Variants in NUSAP1 observed in about 807,000 individuals in gnomAD.
The protein encoded by NUSAP1 is nucleolar and spindle-associated protein 1.
Under a neutral mutation model 52.8 loss-of-function variants are expected in NUSAP1, and 32 were observed. That is an observed-to-expected ratio of 0.61 (90% CI 0.46 to 0.81). The LOEUF is 0.81. Among genes scored for constraint, NUSAP1 ranks in the 40% least tolerant of loss-of-function variants. NUSAP1 has a pLI of 0.00. For synonymous variants in NUSAP1, 195 were observed against 183.1 expected (o/e 1.06, Z -0.52); for missense variants, 499 against 522.3 (o/e 0.96, Z 0.43).
At chr15:41,333,130 A>G (rs2047980226) in intron 1 of NUSAP1, 80 bp downstream of exon 1, 1 of 1,089,054 alleles carries the variant, frequency 9.2e-7, no homozygotes, top group African/African-American at 1.6e-5. Flanking sequence ...GAAGGGACCG[A>G]GAGGGAAGCC....
Position 41,332,882 on chromosome 15 carries a change from T to G in NUSAP1, c.-76T>G. The G allele has an allele frequency of 8.7e-7, 1 of 1,152,882 alleles. No homozygotes were observed. The highest frequency in any genetic ancestry group is 1.3e-6 in the Non-Finnish European group (1 of 785,376). 71.4% of individuals were successfully genotyped at this position (1,152,882 alleles called of 1,614,324 possible). ...ATTTCTGCCTAGTCAAAGTTAAGAG[T>G]GGCGCCAGGGATTTGAACCGCGCTG... On this transcript the variant is annotated 5_prime_UTR_variant, in exon 1 of 11. Transcript: ENST00000559596.
chr15:41,345,165 A>G lies in NUSAP1; in HGVS notation c.162+2711A>G, dbSNP rs183691838. On this transcript the variant is annotated intron_variant, in intron 2 of 10. Coordinates refer to ENST00000559596, the MANE Select transcript of NUSAP1 (RefSeq NM_016359.5). ...CAGCCTTGTATCACCATTCCTGGCT[A>G]TTTTTTGTATTTTTAGTAGAGACGG... 1.0e-3 allele frequency among the ~76,000 whole-genome samples: 155 copies of G among 151,932 alleles called. 2 individuals carry two copies. The highest frequency in any genetic ancestry group is 8.5e-3 in the Admixed American group (130 of 15,230).
At chr15:41,374,805 G>A (rs944277131) in intron 8 of NUSAP1, among the ~76,000 whole-genome samples, 1 of 151,790 alleles carries the variant, frequency 6.6e-6, no homozygotes, top group Non-Finnish European at 1.5e-5. Context: ...GATTACAGTC[G>A]TGAGCCACTG....
intron 4 of NUSAP1, among the ~76,000 whole-genome samples, chr15:41,355,006 C>A (rs1215674870): frequency 6.7e-6 from 1 of 149,674 alleles, no homozygotes; most frequent in Non-Finnish European, 1.5e-5. Flanking sequence ...GGCGAAAGAG[C>A]GAGACTCCAT....
chr15:41,348,862 A>G (rs1366655916), intron 2 of NUSAP1, among the ~76,000 whole-genome samples: 1 of 151,288 alleles, frequency 6.6e-6, no homozygotes, highest in Non-Finnish European at 1.5e-5. Context: ...GGTCTCGCTA[A>G]CCTCAGGTGA....
At chr15:41,376,652 C>G (rs189149331) in intron 9 of NUSAP1, among the ~76,000 whole-genome samples, 2 of 152,040 alleles carry the variant, frequency 1.3e-5, no homozygotes, top group East Asian at 3.9e-4. Context: ...GACCACACCA[C>G]TGCACTCCAG....
intron 6 of NUSAP1, among the ~76,000 whole-genome samples, chr15:41,361,129 C>T (rs2049159716): frequency 6.7e-6 from 1 of 149,702 alleles, no homozygotes; most frequent in Admixed American, 6.7e-5. Flanking sequence ...CGTGGTGGCT[C>T]ACACCTGTAA....
chr15:41,349,006 T>A, intron 2 of NUSAP1, 92 bp from the exon 3 acceptor site: 1 of 1,286,758 alleles, frequency 7.8e-7, no homozygotes, highest in South Asian at 1.4e-5. Flanking sequence ...TTTGCATATG[T>A]AATATGTTTT....
intron 2 of NUSAP1, 108 bp downstream of exon 2, chr15:41,342,562 G>T (rs918827188): frequency 2.2e-5 from 19 of 864,796 alleles, no homozygotes; most frequent in Non-Finnish European, 3.5e-5. Context: ...TGTTGGCCAG[G>T]TGTTGTGGCT....
chr15:41,347,515 A>G (rs541885154), intron 2 of NUSAP1, among the ~76,000 whole-genome samples: 1 of 152,056 alleles, frequency 6.6e-6, no homozygotes, highest in South Asian at 2.1e-4. Context: ...CTGATTTGCT[A>G]TGAAATATGA....
In NUSAP1 at chr15:41,378,985, G is replaced by A. The variant is rs529090861; in HGVS notation, c.1233-1108G>A. ...TTTTTTTTTTTTGAGATGGAGTCTCGCTCTGATGCCCAGGCTAGAGTGTGG... is the reference window on the plus strand; with the variant it reads ...TTTTTTTTTTTTGAGATGGAGTCTCACTCTGATGCCCAGGCTAGAGTGTGG... On this transcript the variant is annotated intron_variant, in intron 10 of 10. Coordinates refer to ENST00000559596, the MANE Select transcript of NUSAP1 (RefSeq NM_016359.5). 2.6e-3 allele frequency among the ~76,000 whole-genome samples: 186 copies of A among 72,302 alleles called. 1 individual carries two copies. The highest frequency in any genetic ancestry group is 3.1e-3 in the Non-Finnish European group (123 of 39,228). 47.4% of individuals were successfully genotyped at this position (72,302 alleles called of 152,430 possible). A position where few individuals can be genotyped will look rare whatever the true frequency, so the allele number is the denominator to read the frequency against.
chr15:41,369,160 C>T (rs980352449), intron 7 of NUSAP1, among the ~76,000 whole-genome samples: 4 of 152,156 alleles, frequency 2.6e-5, no homozygotes, highest in African/African-American at 9.7e-5. Context: ...ATCTTCCTGC[C>T]TTGGCCTCCC....
At chr15:41,354,629 T>C (rs893566598) in intron 4 of NUSAP1, among the ~76,000 whole-genome samples, 2 of 151,782 alleles carry the variant, frequency 1.3e-5, no homozygotes, top group Admixed American at 1.3e-4. Flanking sequence ...GTTGTAACAA[T>C]ATTATGTTCA....
chr15:41,371,540 A>G lies in NUSAP1; in HGVS notation c.862A>G (p.Thr288Ala). ...AKTGVRFSAATKDNEHKRSLT... is the reference protein window; with the variant it reads ...AKTGVRFSAAAKDNEHKRSLT... ...TGTCCTATTTAGGTTTTCAGCTGCT[A>G]CTAAAGATAATGAGCATAAGCGTTC... The change falls in exon 8 of 11, where the codon ACT becomes GCT. Residue 288 changes from threonine (T) to alanine (A), a missense_variant. Physicochemically the swap from Thr to Ala is moderately conservative, Grantham distance 58 (BLOSUM62 0). Coordinates refer to ENST00000559596, the MANE Select transcript of NUSAP1 (RefSeq NM_016359.5). 1 of 1,600,408 alleles carries G rather than the reference A, an allele frequency of 6.2e-7. No individual in the cohort carries two copies. Among genetic ancestry groups the G allele is most frequent in the Non-Finnish European group, 8.5e-7 (1 of 1,176,266 alleles).
chr15:41,371,469 T>C, intron 7 of NUSAP1, 58 bp from the exon 8 acceptor site: 2 of 1,417,948 alleles, frequency 1.4e-6, no homozygotes, highest in Non-Finnish European at 1.9e-6. Flanking sequence ...ATTTATAAGC[T>C]AGACACAAGT....
intron 2 of NUSAP1, among the ~76,000 whole-genome samples, chr15:41,348,875 C>A (rs2140609313): frequency 6.6e-6 from 1 of 152,222 alleles, no homozygotes; most frequent in Middle Eastern, 3.4e-3. Flanking sequence ...TCAGGTGATC[C>A]ACTCGCCTCG....
At position 41,349,089 on chromosome 15, in the gene NUSAP1, T is replaced by A; in HGVS notation, c.163-9T>A. Reference sequence around the variant, plus strand: ...ATAGCACATAGCAGATTAATACCTCTCTTTTCAGGATGAAAGTCAAACTTC... The same window carrying A: ...ATAGCACATAGCAGATTAATACCTCACTTTTCAGGATGAAAGTCAAACTTC... On this transcript the variant is annotated splice_polypyrimidine_tract_variant and intron_variant, in intron 2 of 10. Coordinates refer to ENST00000559596, the MANE Select transcript of NUSAP1 (RefSeq NM_016359.5). 1 of 1,613,010 alleles carries A rather than the reference T, an allele frequency of 6.2e-7. No homozygotes were observed.
intron 1 of NUSAP1, among the ~76,000 whole-genome samples, chr15:41,334,909 A>G (rs1331381185): frequency 6.6e-6 from 1 of 152,278 alleles, no homozygotes; most frequent in East Asian, 1.9e-4. Flanking sequence ...TACCTGTAAA[A>G]TTTGCTGTAA....
intron 2 of NUSAP1, among the ~76,000 whole-genome samples, chr15:41,348,172 A>G (rs2140601455): frequency 6.6e-6 from 1 of 152,230 alleles, no homozygotes; most frequent in South Asian, 2.1e-4. Context: ...AAATGAAGAT[A>G]ATACAAAATA....
Sources: gnomAD v4.1 joint callset for allele counts (sites outside exome capture counted in the v4.1 genomes callset) on GRCh38, gnomAD v4.1.1 for gene constraint, MANE v1.5 for transcripts, NCBI Gene and HGNC (gene_info 2026-07-23, HGNC 2026-07-21) for gene names.